The following GATA3 variants were observed in gnomAD, a reference collection of about 807,000 sequenced individuals.
The protein encoded by GATA3 is GATA binding protein 3.
In GATA3, 6 loss-of-function variants were observed where a neutral mutation model predicts 36.0. The observed-to-expected ratio is 0.17, with a 90% CI of 0.09 to 0.33. The LOEUF (loss-of-function observed/expected upper bound fraction) is 0.33, where lower values mean the gene tolerates loss of function less well. Among genes scored for constraint, GATA3 ranks in the 10% least tolerant of loss-of-function variants. The pLI, the probability that GATA3 is intolerant of heterozygous loss-of-function variation, is 1.00. For synonymous variants in GATA3, 326 were observed against 273.0 expected, an observed-to-expected ratio of 1.19 and a Z score of -1.92; for missense variants, 514 against 610.1, an observed-to-expected ratio of 0.84 and a Z score of 1.66.
intron 5 of GATA3, among the ~76,000 whole-genome samples, chr10:8,071,633 C>T (rs1036929174): frequency 1.3e-5 from 2 of 152,150 alleles, no homozygotes; most frequent in African/African-American, 4.8e-5. Context: ...ACAGAAACTT[C>T]CTCATCCTCA....
At chr10:8,070,692 A>G (rs1832917739) in intron 5 of GATA3, among the ~76,000 whole-genome samples, 1 of 152,078 alleles carries the variant, frequency 6.6e-6, no homozygotes, top group African/African-American at 2.4e-5. Context: ...TTTGAGTCAT[A>G]AAGAACTTCT....
intron 4 of GATA3, 51 bp from the exon 5 acceptor site, chr10:8,069,422 C>A (rs1316883938): frequency 1.3e-6 from 2 of 1,536,870 alleles, no homozygotes; most frequent in Non-Finnish European, 9.0e-7. Context: ...GTGATGACAA[C>A]ACATTTAACA....
upstream of GATA3, chr10:8,053,351 A>G (rs1222602235): frequency 6.6e-6 from 1 of 152,246 alleles, no homozygotes; most frequent in Non-Finnish European, 1.5e-5. The surrounding 1 kb of genome is among the most constrained non-coding windows in gnomAD (Gnocchi z 5.1). Flanking sequence ...CTCTCCTGGC[A>G]GCATTGCCCT....
chr10:8,065,833 G>A (rs1832829598), intron 4 of GATA3, among the ~76,000 whole-genome samples: 1 of 111,348 alleles, frequency 9.0e-6, no homozygotes, highest in African/African-American at 3.5e-5. Flanking sequence ...TAAACACCAA[G>A]ATGTTTGAAC....
At chr10:8,068,433 G>A (rs930074574) in intron 4 of GATA3, among the ~76,000 whole-genome samples, 2 of 152,168 alleles carry the variant, frequency 1.3e-5, no homozygotes, top group Non-Finnish European at 2.9e-5. Flanking sequence ...GAGTGAGGGT[G>A]GCTGTCTTGT....
intron 5 of GATA3, among the ~76,000 whole-genome samples, chr10:8,070,351 A>G (rs562794140): frequency 6.6e-6 from 1 of 151,202 alleles, no homozygotes; most frequent in African/African-American, 2.4e-5. Context: ...TCATTTTGTA[A>G]CATATCTTAA....
chr10:8,053,273 A>T (rs1832545946), upstream of GATA3: 1 of 152,222 alleles, frequency 6.6e-6, no homozygotes, highest in Non-Finnish European at 1.5e-5. The surrounding 1 kb of genome is among the most constrained non-coding windows in gnomAD (Gnocchi z 5.1). Flanking sequence ...AATGTCTCCA[A>T]TTCAAATAAA....
intron 1 of GATA3, among the ~76,000 whole-genome samples, chr10:8,046,042 C>A (rs1217873366): frequency 6.6e-6 from 1 of 152,210 alleles, no homozygotes; most frequent in Non-Finnish European, 1.5e-5. Context: ...GGCATACCCC[C>A]GGGAAGCTAG....
intron 3 of GATA3, among the ~76,000 whole-genome samples, chr10:8,061,252 A>G (rs1362902641): frequency 1.3e-5 from 2 of 152,170 alleles, no homozygotes; most frequent in Non-Finnish European, 2.9e-5. Context: ...AAGCTTTTGC[A>G]AACAAAAGAC....
chr10:8,072,796 C>G (rs181718731), intron 5 of GATA3, among the ~76,000 whole-genome samples: 20 of 152,164 alleles, frequency 1.3e-4, no homozygotes, highest in African/African-American at 4.1e-4. Context: ...AGAGTCAGAG[C>G]TAGGTGGAAA....
At chr10:8,066,281 T>C (rs949495679) in intron 4 of GATA3, among the ~76,000 whole-genome samples, 1 of 152,164 alleles carries the variant, frequency 6.6e-6, no homozygotes, top group African/African-American at 2.4e-5. Context: ...CTCTGAGTAA[T>C]AATTGCTTTG....
At position 8,055,650 on chromosome 10, in the gene GATA3, G is replaced by A. The variant is rs2131482067; in HGVS notation, c.-6G>A. On this transcript the variant is annotated 5_prime_UTR_variant, in exon 2 of 6. Coordinates refer to ENST00000379328, the MANE Select transcript of GATA3 (RefSeq NM_001002295.2). This position sits in a 1 kb window ranked among gnomAD's most constrained non-coding sequence, Gnocchi z 5.4. ...CCGGCGAGAGGGCGCGAGCACAGCC[G>A]AGGCCATGGAGGTGACGGCGGACCA... The A allele has an allele frequency of 6.4e-7, 1 of 1,553,718 alleles. No homozygotes were observed. The highest frequency in any genetic ancestry group is 1.2e-5 in the South Asian group (1 of 84,442).
Position 8,074,716 on chromosome 10 carries a change from C to G in GATA3, c.*693C>G, listed in dbSNP as rs1832987458. On this transcript the variant is annotated 3_prime_UTR_variant, in exon 6 of 6. Coordinates refer to ENST00000379328, the MANE Select transcript of GATA3 (RefSeq NM_001002295.2). ...GTAATTGTTGTTTGTATGTATAATT[C>G]AAAGCACCAAAATAAGAAAAGATGT... 4.3e-6 allele frequency: 1 copy of G among 233,496 alleles called. No individual in the cohort carries two copies. Among genetic ancestry groups the G allele is most frequent in the African/African-American group, 2.2e-5 (1 of 45,310 alleles). The allele number at this position is 233,496 out of a possible 1,614,324, so 14.5% of individuals were successfully genotyped here. A position where few individuals can be genotyped will look rare whatever the true frequency, so the allele number is the denominator to read the frequency against.
intron 1 of GATA3, among the ~76,000 whole-genome samples, chr10:8,047,012 C>A (rs1832398309): frequency 6.6e-6 from 1 of 152,248 alleles, no homozygotes; most frequent in South Asian, 2.1e-4. Context: ...TGGGGCTATT[C>A]TGTCCCCACC....
chr10:8,059,583 C>A (rs1020562588), intron 3 of GATA3, among the ~76,000 whole-genome samples: 1 of 152,158 alleles, frequency 6.6e-6, no homozygotes, highest in Non-Finnish European at 1.5e-5. Context: ...TGAGCTGCAG[C>A]CAGAGGAGGT....
At chr10:8,072,236 G>T (rs765466708) in intron 5 of GATA3, among the ~76,000 whole-genome samples, 10 of 152,194 alleles carry the variant, frequency 6.6e-5, no homozygotes, top group Non-Finnish European at 1.3e-4. Context: ...CAGCAGGTTG[G>T]CCATTTGAAT....
At position 8,073,949 on chromosome 10, in the gene GATA3, A is replaced by G; in HGVS notation, c.1261A>G (p.Thr421Ala). ...CTCCAGCCACATGCTGACCACGCCC[A>G]CGCCGATGCACCCGCCATCCAGCCT... ...SHSSHMLTTPTPMHPPSSLSF... is the reference protein window; with the variant it reads ...SHSSHMLTTPAPMHPPSSLSF... The change falls in exon 6 of 6, where the codon ACG becomes GCG. Residue 421 changes from threonine to alanine, a missense_variant. Thr to Ala is a moderately conservative substitution (Grantham distance 58). Around this residue, in one of 3 missense-constraint regions of GATA3, gnomAD observed 89 missense variants for 104.2 expected, o/e 0.85. Coordinates refer to ENST00000379328, the MANE Select transcript of GATA3 (RefSeq NM_001002295.2). 6.2e-7 allele frequency: 1 copy of G among 1,613,986 alleles called. No individual in the cohort carries two copies. Among genetic ancestry groups the G allele is most frequent in the Non-Finnish European group, 8.5e-7 (1 of 1,179,990 alleles).
upstream of GATA3, among the ~76,000 whole-genome samples, chr10:8,049,982 G>A (rs919918744): frequency 6.6e-6 from 1 of 152,160 alleles, no homozygotes; most frequent in South Asian, 2.1e-4. Flanking sequence ...CGCGAAAGGC[G>A]CGGCGGTCCC....
At chr10:8,046,172 T>C (rs1832384540) in intron 1 of GATA3, among the ~76,000 whole-genome samples, 1 of 152,206 alleles carries the variant, frequency 6.6e-6, no homozygotes, top group Non-Finnish European at 1.5e-5. Context: ...AGATTTGGAC[T>C]TAACTCCCGG....
Sources: gnomAD v4.1 joint callset for allele counts (sites outside exome capture counted in the v4.1 genomes callset) on GRCh38, gnomAD v4.1.1 for gene constraint, gnomAD v4.1.1 regional missense constraint, Gnocchi (gnomAD v3.1) non-coding constraint, MANE v1.5 for transcripts, NCBI Gene and HGNC (gene_info 2026-07-23, HGNC 2026-07-21) for gene names.